ANKRD11: variants seen among roughly 807,000 people sequenced by gnomAD.
ANKRD11 encodes ankyrin repeat domain 11.
In ANKRD11, 17 loss-of-function variants were observed where a neutral mutation model predicts 195.7. That is an observed-to-expected ratio of 0.09 (90% CI 0.06 to 0.13). The LOEUF is 0.13. Ranked by LOEUF, ANKRD11 falls within the 10% of genes least tolerant of loss-of-function variation. ANKRD11 has a pLI of 1.00. For missense variants in ANKRD11, 3,735 were observed against 3,566.1 expected (o/e 1.05, Z -1.21); for synonymous variants, 1,953 against 1,528.1 (o/e 1.28, Z -6.49).
Position 89,330,403 on chromosome 16 carries a change from C to T in ANKRD11, c.-59-13325G>A, listed in dbSNP as rs74893009. 7.0e-3 allele frequency among the ~76,000 whole-genome samples: 1,061 copies of T among 152,108 alleles called. 15 individuals carry two copies. The highest frequency in any genetic ancestry group is 0.024 in the African/African-American group (1,008 of 41,476). On this transcript the variant is annotated intron_variant, in intron 2 of 12. Transcript: ENST00000301030. ...AGGGGCTGCTTCCCAGGTGGCCGCT[C>T]GCACACCGGGAGGGCTGCTGCTGGC...
chr16:89,295,241 C>T (rs2035338575), intron 4 of ANKRD11, among the ~76,000 whole-genome samples: 1 of 152,240 alleles, frequency 6.6e-6, no homozygotes, highest in Admixed American at 6.5e-5. Context: ...TTTGTGGGCT[C>T]AGGCAGCCTG....
At chr16:89,428,336 C>T (rs140412042) in intron 1 of ANKRD11, among the ~76,000 whole-genome samples, 1,623 of 152,036 alleles carry the variant, frequency 0.011, 27 homozygotes, top group African/African-American at 0.035. Flanking sequence ...CCATCCTGGC[C>T]AACACGGTGA....
chr16:89,408,719 C>A (rs563868199), intron 2 of ANKRD11, among the ~76,000 whole-genome samples: 1 of 152,162 alleles, frequency 6.6e-6, no homozygotes, highest in East Asian at 1.9e-4. Context: ...TCAGAGTCCC[C>A]GGGACTCACT....
intron 1 of ANKRD11, among the ~76,000 whole-genome samples, chr16:89,478,052 C>T (rs2057315799): frequency 6.6e-6 from 1 of 151,850 alleles, no homozygotes; most frequent in South Asian, 2.1e-4. Context: ...AAAAGAAGCC[C>T]AAAAAATCAA....
At chr16:89,436,246 T>C (rs2043211846) in intron 1 of ANKRD11, among the ~76,000 whole-genome samples, 1 of 151,970 alleles carries the variant, frequency 6.6e-6, no homozygotes, top group African/African-American at 2.4e-5. Flanking sequence ...GAAACCTATC[T>C]GTACTAACAA....
chr16:89,307,399 G>C (rs964982603), intron 3 of ANKRD11, among the ~76,000 whole-genome samples: 2 of 152,236 alleles, frequency 1.3e-5, no homozygotes, highest in Non-Finnish European at 2.9e-5. Flanking sequence ...ACATCCCTGA[G>C]TGACCATGAA....
At position 89,283,815 on chromosome 16, in the gene ANKRD11, G is replaced by C. The variant is rs1597459537; in HGVS notation, c.2727C>G (p.Asp909Glu). ...DYREPFFRKK[D>E]RDYLDKNSEK... ...CAGAGTTTTTATCCAAATAGTCCCT[G>C]TCCTTCTTTCGGAAGAAGGGCTCTC... Residue 909 changes from aspartate (D) to glutamate (E), a missense_variant, in exon 9 of 13, where the codon GAC becomes GAG. Transcript: ENST00000301030. The surrounding 1 kb of genome is among the most constrained non-coding windows in gnomAD (Gnocchi z 4.3). 4 of 1,614,010 alleles carry C rather than the reference G, an allele frequency of 2.5e-6. No individual in the cohort carries two copies. The highest frequency in any genetic ancestry group is 3.3e-5 in the Admixed American group (2 of 60,006).
At chr16:89,288,945 G>C (rs993335225) in intron 6 of ANKRD11, 2 of 557,784 alleles carry the variant, frequency 3.6e-6, no homozygotes, top group Non-Finnish European at 6.5e-6. Context: ...CCCTAAAAGG[G>C]TAGGAAATCA....
intron 2 of ANKRD11, among the ~76,000 whole-genome samples, chr16:89,388,487 A>G (rs2041027136): frequency 6.6e-6 from 1 of 151,770 alleles, no homozygotes; most frequent in Admixed American, 6.6e-5. Context: ...AATAAGCAAG[A>G]TTTGCGTTTC....
intron 1 of ANKRD11, among the ~76,000 whole-genome samples, chr16:89,443,840 T>G (rs988520551): frequency 1.3e-5 from 2 of 152,110 alleles, no homozygotes; most frequent in African/African-American, 4.8e-5. Flanking sequence ...GGCCCGTGAG[T>G]GCAGAGCAAG....
In ANKRD11 at chr16:89,280,554, G is replaced by T; in HGVS notation, c.5988C>A (p.Pro1996=). The T allele has an allele frequency of 6.2e-7, 1 of 1,613,064 alleles. No homozygotes were observed. The highest frequency in any genetic ancestry group is 8.5e-7 in the Non-Finnish European group (1 of 1,179,902). ...RFPESPKRFC[P]ADPLHSAAPG... ...GGGCGGCAGAGTGGAGGGGGTCCGC[G>T]GGGCAGAAACGCTTTGGGGACTCGG... is the stretch of plus-strand genomic sequence containing the variant. Residue 1996 remains proline, a synonymous_variant, in exon 9 of 13, where the codon CCC becomes CCA. Transcript: ENST00000301030.
chr16:89,349,618 C>T (rs2039112654), intron 2 of ANKRD11, among the ~76,000 whole-genome samples: 1 of 151,980 alleles, frequency 6.6e-6, no homozygotes, highest in South Asian at 2.1e-4. Flanking sequence ...AAACAAAAAC[C>T]TCTAACCTTA....
chr16:89,318,955 C>T (rs994928469), intron 2 of ANKRD11, among the ~76,000 whole-genome samples: 4 of 152,208 alleles, frequency 2.6e-5, no homozygotes, highest in Admixed American at 2.6e-4. Context: ...TTTTCCACCA[C>T]AAAACCGGAA....
At position 89,291,798 on chromosome 16, in the gene ANKRD11, C is replaced by T. The variant is rs1245077847; in HGVS notation, c.227-615G>A. 2.3e-6 allele frequency: 3 copies of T among 1,287,038 alleles called. No homozygotes were observed. The Admixed American group carries it at 6.9e-5, about 30-fold the overall frequency. 79.7% of individuals were successfully genotyped at this position (1,287,038 alleles called of 1,614,324 possible). ...GGCATCTGAAGGCATCAACACAGAG[C>T]ACTAACAAGACACGGTGTGAGAGCT... On this transcript the variant is annotated intron_variant, in intron 4 of 12. Coordinates refer to ENST00000301030, the MANE Select transcript of ANKRD11 (RefSeq NM_013275.6). This position sits in a 1 kb window ranked among gnomAD's most constrained non-coding sequence, Gnocchi z 5.3.
intron 1 of ANKRD11, among the ~76,000 whole-genome samples, chr16:89,488,611 G>C (rs1425345383): frequency 6.6e-6 from 1 of 152,116 alleles, no homozygotes; most frequent in Non-Finnish European, 1.5e-5. Context: ...GATTTTGAAC[G>C]TTATGCCATA....
intron 2 of ANKRD11, among the ~76,000 whole-genome samples, chr16:89,404,403 G>C (rs925796493): frequency 3.9e-5 from 6 of 152,214 alleles, no homozygotes; most frequent in African/African-American, 1.2e-4. Context: ...ACACTGAAAA[G>C]GTACAACCCT....
At chr16:89,439,664 A>G (rs2043361802) in intron 1 of ANKRD11, among the ~76,000 whole-genome samples, 1 of 152,206 alleles carries the variant, frequency 6.6e-6, no homozygotes, top group Admixed American at 6.5e-5. Flanking sequence ...TCTATTCTTC[A>G]TCTACACCAC....
intron 2 of ANKRD11, among the ~76,000 whole-genome samples, chr16:89,403,365 G>A (rs1215191596): frequency 1.3e-5 from 2 of 152,150 alleles, no homozygotes; most frequent in African/African-American, 4.8e-5. Context: ...AGAACATGGA[G>A]GAGCTCATCT....
chr16:89,348,545 G>A (rs1476360000), intron 2 of ANKRD11, among the ~76,000 whole-genome samples: 2 of 152,136 alleles, frequency 1.3e-5, no homozygotes, highest in African/African-American at 4.8e-5. Context: ...TAAATGTATA[G>A]TACAAATGAC....
Sources: allele counts gnomAD v4.1 joint callset (sites outside exome capture counted in the v4.1 genomes callset), GRCh38; gene constraint gnomAD v4.1.1; non-coding constraint Gnocchi (gnomAD v3.1); transcripts MANE v1.5; gene names NCBI Gene and HGNC (gene_info 2026-07-23, HGNC 2026-07-21).